The following PRKCE variants were observed in gnomAD, a reference collection of about 807,000 sequenced individuals.
PRKCE encodes the protein protein kinase C epsilon type.
PRKCE carries 16 observed loss-of-function variants against 85.4 expected under a neutral mutation model. The ratio of observed to expected loss-of-function variants is 0.19; its 90% CI spans 0.13 to 0.28. The LOEUF is 0.28. Among genes scored for constraint, PRKCE ranks in the 10% least tolerant of loss-of-function variants. The pLI is 1.00. For synonymous variants in PRKCE, 388 were observed against 371.5 expected (o/e 1.04, Z -0.51); for missense variants, 573 against 975.2 (o/e 0.59, Z 5.49).
intron 2 of PRKCE, among the ~76,000 whole-genome samples, chr2:45,860,371 A>T (rs1383843047): frequency 1.3e-5 from 2 of 152,082 alleles, no homozygotes; most frequent in Non-Finnish European, 2.9e-5. Context: ...TTCAGAGAGG[A>T]TGGGTGGAGT....
chr2:46,182,566 C>G (rs895615538), intron 14 of PRKCE, among the ~76,000 whole-genome samples: 1 of 152,184 alleles, frequency 6.6e-6, no homozygotes, highest in African/African-American at 2.4e-5. Flanking sequence ...GTGTCCCCCC[C>G]TTCCCCCTTC....
Position 46,145,357 on chromosome 2 carries a change from G to A in PRKCE, c.1731+126G>A, listed in dbSNP as rs1675967102. ...TCTGGAAATCCAGGATGGATTCTAG[G>A]AAGGAGGGAGAAAAGGAAAGGAAAA... is the stretch of plus-strand genomic sequence containing the variant. On this transcript the variant is annotated intron_variant, in intron 12 of 14. Transcript: ENST00000306156. This position sits in a 1 kb window ranked among gnomAD's most constrained non-coding sequence, Gnocchi z 4.6. The A allele has an allele frequency of 5.4e-6, 7 of 1,298,592 alleles. No individual in the cohort carries two copies. Among genetic ancestry groups the A allele is most frequent in the East Asian group, 2.3e-5 (1 of 43,014 alleles). The allele number at this position is 1,298,592 out of a possible 1,614,324, so 80.4% of individuals were successfully genotyped here. A position where few individuals can be genotyped will look rare whatever the true frequency, so the allele number is the denominator to read the frequency against.
intron 1 of PRKCE, among the ~76,000 whole-genome samples, chr2:45,662,276 T>C (rs1675704052): frequency 6.6e-6 from 1 of 152,208 alleles, no homozygotes. Flanking sequence ...GAACTGGTCG[T>C]TGCTCTCAGA....
chr2:46,015,691 C>CAAAAAAAAAAAAAAAAAAAAAAAAAAA (rs749060776), intron 10 of PRKCE, among the ~76,000 whole-genome samples: 3 of 80,798 alleles, frequency 3.7e-5, no homozygotes, highest in African/African-American at 9.1e-5. Context: ...AACACTAAAC[C>CAAAAAAAAAAAAAAAAAAAAAAAAAAA]AAAAAAAAAA....
intron 1 of PRKCE, among the ~76,000 whole-genome samples, chr2:45,805,973 G>C (rs1397465225): frequency 1.3e-5 from 2 of 152,216 alleles, no homozygotes; most frequent in East Asian, 3.8e-4. Context: ...AGGTCAAGGA[G>C]CTTGCCCAAG....
chr2:46,029,238 C>G (rs1346766420), intron 10 of PRKCE, among the ~76,000 whole-genome samples: 1 of 152,182 alleles, frequency 6.6e-6, no homozygotes, highest in African/African-American at 2.4e-5. Flanking sequence ...AATGACTTCT[C>G]CAACGTCACA....
intron 2 of PRKCE, among the ~76,000 whole-genome samples, chr2:45,850,025 C>T (rs578222346): frequency 1.3e-5 from 2 of 152,280 alleles, no homozygotes; most frequent in African/African-American, 2.4e-5. Context: ...GAGACATAAG[C>T]CAAGAAACCC....
At chr2:46,074,429 C>CAAAAAAAAAAA (rs11287357) in intron 10 of PRKCE, among the ~76,000 whole-genome samples, 88 of 93,636 alleles carry the variant, frequency 9.4e-4, no homozygotes, top group Admixed American at 1.5e-3. Context: ...CAACAACAAC[C>CAAAAAAAAAAA]AAAAAAAAAA....
intron 13 of PRKCE, among the ~76,000 whole-genome samples, chr2:46,153,467 G>T (rs1676844929): frequency 6.6e-6 from 1 of 152,206 alleles, no homozygotes; most frequent in Non-Finnish European, 1.5e-5. Context: ...AAAGACACAT[G>T]CAGAGGCTCA....
intron 14 of PRKCE, among the ~76,000 whole-genome samples, chr2:46,162,827 G>C (rs905358266): frequency 4.6e-5 from 7 of 152,200 alleles, no homozygotes; most frequent in African/African-American, 1.4e-4. Context: ...AAATAAACGA[G>C]AGTGGTCCAC....
rs1410251628 is a variant in PRKCE at position 46,185,612 on chromosome 2, G to A, written c.*731G>A. 6.6e-6 allele frequency: 1 copy of A among 152,568 alleles called. No individual in the cohort carries two copies. Among genetic ancestry groups the A allele is most frequent in the East Asian group, 1.9e-4 (1 of 5,194 alleles). The allele number at this position is 152,568 out of a possible 1,614,324, so 9.5% of individuals were successfully genotyped here. ...TATTTTCAAATTCACTTTCTAATTG[G>A]CCAAAAGAGATGAGTTCCAGTCTGA... On this transcript the variant is annotated 3_prime_UTR_variant, in exon 15 of 15. Coordinates refer to ENST00000306156, the MANE Select transcript of PRKCE (RefSeq NM_005400.3). The surrounding 1 kb of genome is among the most constrained non-coding windows in gnomAD (Gnocchi z 4.7).
At chr2:46,160,676 C>A (rs999398409) in intron 14 of PRKCE, among the ~76,000 whole-genome samples, 4 of 152,202 alleles carry the variant, frequency 2.6e-5, no homozygotes, top group African/African-American at 7.2e-5. Flanking sequence ...TGCCATCAGG[C>A]AGTCAGCCCT....
At chr2:46,042,478 A>G (rs1708271825) in intron 10 of PRKCE, among the ~76,000 whole-genome samples, 1 of 152,260 alleles carries the variant, frequency 6.6e-6, no homozygotes, top group Non-Finnish European at 1.5e-5. Flanking sequence ...AATTTCAATC[A>G]GGACTAGCCA....
intron 1 of PRKCE, among the ~76,000 whole-genome samples, chr2:45,746,645 C>T (rs537482767): frequency 2.0e-5 from 3 of 152,110 alleles, no homozygotes; most frequent in East Asian, 1.9e-4. Context: ...TATCATTGCC[C>T]GTAATATTCT....
intron 10 of PRKCE, among the ~76,000 whole-genome samples, chr2:46,085,754 TG>T (rs1412546685): frequency 0.48 from 16,951 of 35,424 alleles, 3,124 homozygotes; most frequent in East Asian, 0.61. Flanking sequence ...TTTTTGTTTT[TG>T]TTTTTTTTTT....
rs545381734 is a variant in PRKCE at position 45,735,886 on chromosome 2, C to G, written c.348+83438C>G. Among the ~76,000 whole-genome samples, 12 of 152,310 alleles carry G rather than the reference C, an allele frequency of 7.9e-5. No homozygotes were observed. The South Asian group carries it at 2.5e-3, about 32-fold the overall frequency. ...AGAAAGGAAATTAATGCTAATTTGA[C>G]AACTACTATGTGCTAGGCACTGTGC... On this transcript the variant is annotated intron_variant, in intron 1 of 14. Coordinates refer to ENST00000306156, the MANE Select transcript of PRKCE (RefSeq NM_005400.3).
At chr2:45,809,395 T>G (rs894195154) in intron 1 of PRKCE, among the ~76,000 whole-genome samples, 4 of 152,130 alleles carry the variant, frequency 2.6e-5, no homozygotes, top group Non-Finnish European at 5.9e-5. Context: ...GCAAAAAAGC[T>G]TGATGACTGA....
At position 45,662,733 on chromosome 2, in the gene PRKCE, G is replaced by A. The variant is rs543087215; in HGVS notation, c.348+10285G>A. Among the ~76,000 whole-genome samples, 16 of 150,478 alleles carry A rather than the reference G, an allele frequency of 1.1e-4. 1 individual carries two copies. Among genetic ancestry groups the A allele is most frequent in the African/African-American group, 3.9e-4 (16 of 41,134 alleles). On this transcript the variant is annotated intron_variant, in intron 1 of 14. Coordinates refer to ENST00000306156, the MANE Select transcript of PRKCE (RefSeq NM_005400.3). The stretch of plus-strand genomic sequence containing the variant: ...TTTGCCTTTCTTCTTTGTTGTGATC[G>A]AAATCACAAAGCTATTTTTGATAGC...
rs61759978 is a variant in PRKCE at position 46,145,060 on chromosome 2, G to A, written c.1593-33G>A. On this transcript the variant is annotated intron_variant, in intron 11 of 14. Transcript: ENST00000306156. The surrounding 1 kb of genome is among the most constrained non-coding windows in gnomAD (Gnocchi z 4.6). ...GGAAGACTATATTGGGGTGAGTGAC[G>A]TATTGACATTATGGTCCTGGCCTAT... 2.5e-4 allele frequency: 402 copies of A among 1,599,384 alleles called. No homozygotes were observed. The African/African-American group carries it at 3.3e-3, about 13-fold the overall frequency.
Sources: allele counts gnomAD v4.1 joint callset (sites outside exome capture counted in the v4.1 genomes callset), GRCh38; gene constraint gnomAD v4.1.1; non-coding constraint Gnocchi (gnomAD v3.1); transcripts MANE v1.5; gene names NCBI Gene and HGNC (gene_info 2026-07-23, HGNC 2026-07-21).